Variants in TMPRSS5 observed in about 807,000 individuals in gnomAD.
TMPRSS5 encodes the protein transmembrane protease serine 5.
TMPRSS5 carries 45 observed loss-of-function variants against 59.7 expected under a neutral mutation model. The ratio of observed to expected loss-of-function variants is 0.75; its 90% confidence interval spans 0.59 to 0.97. TMPRSS5 has a LOEUF of 0.97. TMPRSS5 is among the 50% of genes least tolerant of loss of function. The pLI, the probability that TMPRSS5 is intolerant of heterozygous loss-of-function variation, is 0.00. For missense variants in TMPRSS5, 585 were observed against 596.7 expected (o/e 0.98, Z 0.20); for synonymous variants, 225 against 232.0 (o/e 0.97, Z 0.27).
rs1156641852 is a variant in TMPRSS5 at position 113,695,531 on chromosome 11, G to C, written c.579-88C>G. 14 of 1,327,350 alleles carry C rather than the reference G, an allele frequency of 1.1e-5. No individual in the cohort carries two copies. The African/African-American group carries it at 1.2e-4, about 11-fold the overall frequency. 82.2% of individuals were successfully genotyped at this position (1,327,350 alleles called of 1,614,324 possible). ...AGGACGTGAAGAATGGGGGAGGCTG[G>C]TGGGGGTGGTGGACAGTTCTTAAGG... is the stretch of plus-strand genomic sequence containing the variant. On this transcript the variant is annotated intron_variant, in intron 6 of 12. Coordinates refer to ENST00000299882, the MANE Select transcript of TMPRSS5 (RefSeq NM_030770.4).
chr11:113,689,684 G>A (rs1297378015), intron 12 of TMPRSS5, 81 bp downstream of exon 12: 37 of 1,498,096 alleles, frequency 2.5e-5, no homozygotes, highest in Middle Eastern at 3.4e-4. Flanking sequence ...AGCAGGGCCC[G>A]GGCCTAAGGG....
At chr11:113,690,036 G>T in intron 11 of TMPRSS5, 119 bp from the exon 12 acceptor site, 1 of 1,270,676 alleles carries the variant, frequency 7.9e-7, no homozygotes, top group Non-Finnish European at 1.1e-6. Flanking sequence ...TTCTAGCTGA[G>T]ATATCTGCTG....
At position 113,701,652 on chromosome 11, in the gene TMPRSS5, C is replaced by T. The variant is rs371771846; in HGVS notation, c.4-1484G>A. Among the ~76,000 whole-genome samples the T allele has an allele frequency of 6.6e-5, 10 of 152,226 alleles. No individual in the cohort carries two copies. In the South Asian group the frequency reaches 1.0e-3, roughly 16 times the overall value. On this transcript the variant is annotated intron_variant, in intron 1 of 12. Transcript: ENST00000299882. ...GGTCACCCCAGAAATTTTCCTTCTG[C>T]CTTTTTGCAGTTAACTCCTCCCCAA...
At chr11:113,693,542 T>A in intron 8 of TMPRSS5, 1 of 267,222 alleles carries the variant, frequency 3.7e-6, no homozygotes, top group Non-Finnish European at 7.1e-6. Context: ...CCAAGTTTTA[T>A]AACAAACACA....
At chr11:113,691,015 G>A (rs1952766111) in intron 9 of TMPRSS5, 76 bp from the exon 10 acceptor site, 2 of 1,364,844 alleles carry the variant, frequency 1.5e-6, no homozygotes. Context: ...GAAGGACCCA[G>A]GACTGGCAAG....
intron 12 of TMPRSS5, 129 bp downstream of exon 12, chr11:113,689,627 CCTCCACTCA>C: frequency 1.2e-6 from 1 of 835,750 alleles, no homozygotes; most frequent in Admixed American, 3.0e-5. Context: ...TTCACTTCTT[CCTCCACTCA>C]CTCTGGGGAA....
At chr11:113,697,187 C>T in intron 5 of TMPRSS5, 96 bp downstream of exon 5, 1 of 1,500,478 alleles carries the variant, frequency 6.7e-7, no homozygotes, top group African/African-American at 1.4e-5. Context: ...ATTTCCTGAG[C>T]ACATTGACCA....
Position 113,688,124 on chromosome 11 carries a change from T to A in TMPRSS5, c.*136A>T. 1 of 1,347,340 alleles carries A rather than the reference T, an allele frequency of 7.4e-7. No homozygotes were observed. The highest frequency in any genetic ancestry group is 9.6e-7 in the Non-Finnish European group (1 of 1,039,428). 83.5% of individuals were successfully genotyped at this position (1,347,340 alleles called of 1,614,324 possible). A position where few individuals can be genotyped will look rare whatever the true frequency, so the allele number is the denominator to read the frequency against. ...GTGGCTGGCCAGTGGGTAGTGACTG[T>A]TCCTCACACACAGTAGTAGGAGGTC... On this transcript the variant is annotated 3_prime_UTR_variant, in exon 13 of 13. Transcript: ENST00000299882.
chr11:113,693,124 T>C lies in TMPRSS5; in HGVS notation c.911A>G (p.Asn304Ser), dbSNP rs2134793035. The change falls in exon 9 of 13, where the codon AAT (asparagine) becomes AGT (serine). Residue 304 changes from asparagine to serine, a missense_variant. Coordinates refer to ENST00000299882, the MANE Select transcript of TMPRSS5 (RefSeq NM_030770.4). ...CAGGAGGGCGACGTCGTAGTCATGA[T>C]TCTGGGCACTGTAGAGGGGGTGTGG... is the stretch of plus-strand genomic sequence containing the variant. ...IIPHPLYSAQNHDYDVALLRL... is the reference protein window; with the variant it reads ...IIPHPLYSAQSHDYDVALLRL... The C allele has an allele frequency of 6.3e-7, 1 of 1,595,510 alleles. No homozygotes were observed. The highest frequency in any genetic ancestry group is 2.3e-5 in the East Asian group (1 of 44,092).
chr11:113,699,192 G>T, intron 3 of TMPRSS5, among the ~76,000 whole-genome samples, 165 bp from the exon 4 acceptor site: 1 of 110,256 alleles, frequency 9.1e-6, no homozygotes, highest in Admixed American at 1.0e-4. Context: ...CTGCCTCTTT[G>T]ACTCTCCTTT....
rs144653510 is a variant in TMPRSS5, at chr11:113,702,032, T to C, written c.4-1864A>G. Among the ~76,000 whole-genome samples the C allele has an allele frequency of 2.6e-4, 40 of 152,274 alleles. No individual in the cohort carries two copies. The East Asian group carries it at 7.2e-3, about 27-fold the overall frequency. On this transcript the variant is annotated intron_variant, in intron 1 of 12. Transcript: ENST00000299882. ...TGTATTCTCACTGTTCAACTCCCAT[T>C]ATGAGTGAGAACATGTGGTGTTTCT...
intron 1 of TMPRSS5, among the ~76,000 whole-genome samples, chr11:113,705,216 T>C (rs1230694074): frequency 2.0e-5 from 3 of 152,196 alleles, no homozygotes; most frequent in Non-Finnish European, 4.4e-5. Context: ...TGAAATGTTC[T>C]TTTCACGCCA....
chr11:113,698,692 C>T (rs1952996838), intron 4 of TMPRSS5: 1 of 572,548 alleles, frequency 1.7e-6, no homozygotes, highest in Admixed American at 3.2e-5. Context: ...GACCTTGCCC[C>T]AGCTAGAGAT....
chr11:113,702,503 A>AT (rs112692850), intron 1 of TMPRSS5, among the ~76,000 whole-genome samples: 1 of 152,176 alleles, frequency 6.6e-6, no homozygotes, highest in African/African-American at 2.4e-5. Context: ...AAGAAAACCC[A>AT]TTTTCTGAGG....
chr11:113,696,700 C>G (rs2134805466), intron 6 of TMPRSS5, 158 bp downstream of exon 6: 1 of 609,754 alleles, frequency 1.6e-6, no homozygotes, highest in South Asian at 2.0e-5. Flanking sequence ...CTCATGTGAA[C>G]TGAGTTTGTA....
chr11:113,703,837 T>G (rs565619144), intron 1 of TMPRSS5, among the ~76,000 whole-genome samples: 10 of 152,314 alleles, frequency 6.6e-5, no homozygotes, highest in South Asian at 6.2e-4. Flanking sequence ...TGATCATAAG[T>G]TTCCTGAGGC....
At chr11:113,694,434 A>G in intron 8 of TMPRSS5, 44 bp downstream of exon 8, 1 of 1,544,066 alleles carries the variant, frequency 6.5e-7, no homozygotes, top group Non-Finnish European at 8.8e-7. Context: ...CCGAACAGAA[A>G]GGGCAACTGA....
chr11:113,695,363 C>G (rs371595130), intron 7 of TMPRSS5, 37 bp downstream of exon 7: 6 of 1,612,622 alleles, frequency 3.7e-6, no homozygotes, highest in African/African-American at 1.3e-5. Flanking sequence ...ACCCCTTCCT[C>G]TCACCGCCAC....
Position 113,695,387 on chromosome 11 carries a change from A to C in TMPRSS5, c.622+13T>G, listed in dbSNP as rs531336129. On this transcript the variant is annotated intron_variant, in intron 7 of 12. Transcript: ENST00000299882. ...TCTCACCGCCACCTCCCCTAGACCAAGATATGACTCACCAGAGCATCTGAG... is the reference window on the plus strand; with the variant it reads ...TCTCACCGCCACCTCCCCTAGACCACGATATGACTCACCAGAGCATCTGAG... 7.6e-5 allele frequency: 123 copies of C among 1,613,734 alleles called. No individual in the cohort carries two copies. Among genetic ancestry groups the C allele is most frequent in the Non-Finnish European group, 1.0e-4 (122 of 1,179,846 alleles).
Sources: allele counts gnomAD v4.1 joint callset (sites outside exome capture counted in the v4.1 genomes callset), GRCh38; gene constraint gnomAD v4.1.1; transcripts MANE v1.5; gene names NCBI Gene and HGNC (gene_info 2026-07-23, HGNC 2026-07-21).